QRFPR: variants seen among roughly 807,000 people sequenced by gnomAD.
QRFPR encodes pyroglutamylated RF-amide peptide receptor.
QRFPR carries 37 observed loss-of-function variants against 31.3 expected under a neutral mutation model. The observed-to-expected ratio is 1.18, with a 90% CI of 0.91 to 1.56. The LOEUF (loss-of-function observed/expected upper bound fraction) is 1.56, where lower values mean the gene tolerates loss of function less well. Among genes scored for constraint, QRFPR ranks in the 40% most tolerant of loss-of-function variants. QRFPR has a pLI of 0.00. For missense variants in QRFPR, 542 were observed against 532.5 expected (o/e 1.02, Z -0.18); for synonymous variants, 197 against 192.0 (o/e 1.03, Z -0.22).
chr4:121,375,537 A>C (rs1304327155), intron 1 of QRFPR, among the ~76,000 whole-genome samples: 2 of 152,246 alleles, frequency 1.3e-5, no homozygotes, highest in Non-Finnish European at 2.9e-5. Flanking sequence ...GGGCAGAGGA[A>C]CAAGATACCA....
chr4:121,350,371 G>A (rs1725740575), intron 1 of QRFPR, among the ~76,000 whole-genome samples: 1 of 152,144 alleles, frequency 6.6e-6, no homozygotes, highest in African/African-American at 2.4e-5. Context: ...GCGGTGTCTG[G>A]TGGTTTGATT....
At chr4:121,335,578 TGGG>T (rs773427893) in intron 3 of QRFPR, among the ~76,000 whole-genome samples, 1 of 4,278 alleles carries the variant, frequency 2.3e-4, no homozygotes, top group Admixed American at 4.1e-3. Context: ...GTATGGGGGG[TGGG>T]GGGTGGGGCG....
chr4:121,377,409 ATATAT>A (rs1018867037), intron 1 of QRFPR, among the ~76,000 whole-genome samples: 4 of 111,072 alleles, frequency 3.6e-5, no homozygotes, highest in African/African-American at 1.3e-4. Context: ...CTATATATAT[ATATAT>A]TTTTTTTTTT....
At chr4:121,335,487 G>A (rs76947157) in intron 3 of QRFPR, among the ~76,000 whole-genome samples, 2,614 of 148,610 alleles carry the variant, frequency 0.018, 63 homozygotes, top group East Asian at 0.11. Context: ...CACACCTAGA[G>A]GGCATTGATT....
chr4:121,330,440 A>G lies in QRFPR; in HGVS notation c.881T>C (p.Met294Thr), dbSNP rs747352262. The part of the protein sequence containing the change: ...VCWAPFHVVH[M>T]MIEYSNFEKE... ...CAAGCACTCACTGTATTCAATCATC[A>G]TATGGACAACATGGAATGGTGCCCA... Residue 294 changes from methionine to threonine, a missense_variant, in exon 5 of 6, where the codon ATG (methionine) becomes ACG (threonine). Coordinates refer to ENST00000394427, the MANE Select transcript of QRFPR (RefSeq NM_198179.3). 1.2e-5 allele frequency: 19 copies of G among 1,609,902 alleles called. No individual in the cohort carries two copies. Among genetic ancestry groups the G allele is most frequent in the Non-Finnish European group, 1.6e-5 (19 of 1,176,344 alleles).
At chr4:121,343,839 G>A (rs965417815) in intron 1 of QRFPR, among the ~76,000 whole-genome samples, 3 of 152,112 alleles carry the variant, frequency 2.0e-5, no homozygotes, top group Admixed American at 1.3e-4. Context: ...TATCCATCCT[G>A]AATATATTCA....
chr4:121,329,431 A>C lies in QRFPR; in HGVS notation c.1179T>G (p.Asp393Glu). 1.2e-6 allele frequency: 2 copies of C among 1,614,158 alleles called. No individual in the cohort carries two copies. The highest frequency in any genetic ancestry group is 1.7e-6 in the Non-Finnish European group (2 of 1,180,016). The change falls in exon 6 of 6, where the codon GAT becomes GAG. Residue 393 changes from aspartate (D) to glutamate (E), a missense_variant. Transcript: ENST00000394427. ...CACACAATTTGACTTCAATGTTGCC[A>C]TCACTGAATGCTTCTCCTTTGGTTT... ...VEETKGEAFS[D>E]GNIEVKLCEQ...
chr4:121,337,465 G>A (rs1286689270), intron 2 of QRFPR, among the ~76,000 whole-genome samples: 1 of 152,142 alleles, frequency 6.6e-6, no homozygotes, highest in African/African-American at 2.4e-5. Context: ...CAAACTCCTT[G>A]AAAGCAAACA....
At chr4:121,372,144 T>C (rs887032058) in intron 1 of QRFPR, among the ~76,000 whole-genome samples, 2 of 152,226 alleles carry the variant, frequency 1.3e-5, no homozygotes, top group Admixed American at 6.5e-5. Flanking sequence ...GGGAGATAGA[T>C]AAGAGAAGGT....
chr4:121,341,959 C>A (rs1046020750), intron 1 of QRFPR, among the ~76,000 whole-genome samples: 10 of 152,182 alleles, frequency 6.6e-5, no homozygotes, highest in African/African-American at 2.4e-4. Context: ...ATGGTTAACT[C>A]TATGTGTCCA....
intron 1 of QRFPR, among the ~76,000 whole-genome samples, chr4:121,362,743 C>T (rs1248662060): frequency 2.0e-5 from 3 of 149,816 alleles, no homozygotes; most frequent in Non-Finnish European, 3.0e-5. Flanking sequence ...CAACAAATGG[C>T]ACTGAAACAA....
intron 1 of QRFPR, chr4:121,370,336 T>C (rs1726213795): frequency 7.9e-6 from 6 of 756,866 alleles, no homozygotes; most frequent in Non-Finnish European, 1.5e-5. Context: ...TCTGGTTGTC[T>C]TGAAGCCATT....
At chr4:121,372,433 A>G (rs1367130798) in intron 1 of QRFPR, among the ~76,000 whole-genome samples, 2 of 152,190 alleles carry the variant, frequency 1.3e-5, no homozygotes, top group Admixed American at 1.3e-4. Flanking sequence ...TATATCTAAC[A>G]TAAAATTTAT....
At chr4:121,364,206 A>T (rs951876348) in intron 1 of QRFPR, among the ~76,000 whole-genome samples, 1 of 149,548 alleles carries the variant, frequency 6.7e-6, no homozygotes, top group African/African-American at 2.5e-5. Flanking sequence ...CTGGAAAAAC[A>T]CTCTACAATT....
chr4:121,377,791 T>C (rs1726385559), intron 1 of QRFPR, among the ~76,000 whole-genome samples: 1 of 152,198 alleles, frequency 6.6e-6, no homozygotes, highest in Admixed American at 6.5e-5. Flanking sequence ...CTCACTTTTG[T>C]ACTCTCAAGG....
chr4:121,346,672 G>T (rs1396492473), intron 1 of QRFPR, among the ~76,000 whole-genome samples: 1 of 152,142 alleles, frequency 6.6e-6, no homozygotes, highest in Non-Finnish European at 1.5e-5. Context: ...TTAGCTGTAG[G>T]TTTCTTGTAA....
chr4:121,355,767 T>C (rs13112080), intron 1 of QRFPR, among the ~76,000 whole-genome samples: 39,098 of 151,942 alleles, frequency 0.26, 5,710 homozygotes, highest in Non-Finnish European at 0.34. Context: ...TTTCCATTTT[T>C]ATTTGTTTTA....
intron 1 of QRFPR, among the ~76,000 whole-genome samples, chr4:121,373,350 G>A (rs529966441): frequency 1.3e-5 from 2 of 152,264 alleles, no homozygotes; most frequent in South Asian, 4.1e-4. Context: ...GTGACCTACA[G>A]CATCTTTTCT....
chr4:121,379,038 C>A (rs751231098), intron 1 of QRFPR, among the ~76,000 whole-genome samples: 1 of 152,132 alleles, frequency 6.6e-6, no homozygotes, highest in Non-Finnish European at 1.5e-5. Flanking sequence ...TTGCACTGAG[C>A]AACTTTAAAA....
Sources: gnomAD v4.1 joint callset for allele counts (sites outside exome capture counted in the v4.1 genomes callset) on GRCh38, gnomAD v4.1.1 for gene constraint, MANE v1.5 for transcripts, NCBI Gene and HGNC (gene_info 2026-07-23, HGNC 2026-07-21) for gene names.